Variants in TSC2 observed in about 807,000 individuals in gnomAD.
TSC2 encodes the protein tuberin.
Under a neutral mutation model 202.2 loss-of-function variants are expected in TSC2, and 29 were observed. The ratio of observed to expected loss-of-function variants is 0.14; its 90% confidence interval spans 0.11 to 0.20. The LOEUF is 0.20. TSC2 is among the 10% of genes least tolerant of loss of function. The pLI is 1.00. For missense variants in TSC2, 2,429 were observed against 2,420.0 expected, an observed-to-expected ratio of 1.00 and a Z score of -0.08; for synonymous variants, 1,349 against 1,044.0, an observed-to-expected ratio of 1.29 and a Z score of -5.63.
At chr16:2,084,913 G>A (rs1323790497) in intron 34 of TSC2, 38 bp from the exon 35 acceptor site, 2 of 1,612,002 alleles carry the variant, frequency 1.2e-6, no homozygotes, top group South Asian at 2.2e-5. Flanking sequence ...CCCTGGCCAG[G>A]CCCTCACCTG....
Position 2,072,361 on chromosome 16 carries a change from A to G in TSC2, c.2218A>G (p.Met740Val), listed in dbSNP as rs757345150. 2.5e-5 allele frequency: 40 copies of G among 1,613,880 alleles called. No individual in the cohort carries two copies. The highest frequency in any genetic ancestry group is 3.3e-5 in the Non-Finnish European group (39 of 1,179,944). The change falls in exon 20 of 42, where the codon ATG (methionine) becomes GTG (valine). Residue 740 changes from methionine to valine, a missense_variant and splice_region_variant. Coordinates refer to ENST00000219476, the MANE Select transcript of TSC2 (RefSeq NM_000548.5). ...VDQLCSALCS[M>V]LSGPKTLERL... The stretch of plus-strand genomic sequence containing the variant: ...CCAGCTGTGCTCTGCTCTCTGCTCC[A>G]TGGTACCATGGCCGGCCTGGGGTTG...
At chr16:2,061,793 G>C (rs1202043359) in intron 11 of TSC2, 78 bp from the exon 12 acceptor site, 30 of 1,610,222 alleles carry the variant, frequency 1.9e-5, no homozygotes, top group Non-Finnish European at 2.5e-5. Context: ...CCATGCGGTG[G>C]GTGTGTAGCG....
At chr16:2,056,081 C>T in intron 6 of TSC2, 115 bp from the exon 7 acceptor site, 2 of 1,393,290 alleles carry the variant, frequency 1.4e-6, no homozygotes, top group Non-Finnish European at 2.0e-6. Context: ...GGGTGGGACC[C>T]CCAGGGAGGA....
In TSC2 at chr16:2,067,848, G is replaced by C. The variant is rs911016118; in HGVS notation, c.1716+2213G>C. Among the ~76,000 whole-genome samples the C allele has an allele frequency of 1.3e-5, 2 of 152,316 alleles. 1 individual carries two copies. Among genetic ancestry groups the C allele is most frequent in the Admixed American group, 1.3e-4 (2 of 15,304 alleles). On this transcript the variant is annotated intron_variant, in intron 16 of 41. Transcript: ENST00000219476. ...TGAGCACCATGCTCTTTACTGACTGGTTGGGAAGGGGTGTGCTGGGCTGTG... is the reference window on the plus strand; with the variant it reads ...TGAGCACCATGCTCTTTACTGACTGCTTGGGAAGGGGTGTGCTGGGCTGTG...
At chr16:2,060,362 G>C (rs1248705820) in intron 10 of TSC2, among the ~76,000 whole-genome samples, 1 of 152,204 alleles carries the variant, frequency 6.6e-6, no homozygotes, top group African/African-American at 2.4e-5. Flanking sequence ...GCTTGCAGCC[G>C]AACTCAGGGC....
rs397515242 is a variant in TSC2 at position 2,084,658 on chromosome 16, C to T, written c.4436C>T (p.Ala1479Val). Residue 1479 changes from alanine to valine, a missense_variant, in exon 34 of 42, where the codon GCC (alanine) becomes GTC (valine). Coordinates refer to ENST00000219476, the MANE Select transcript of TSC2 (RefSeq NM_000548.5). ...SRRGKRVERD[A>V]LKSRATASNA... ...AGGGGCAAGAGAGTAGAGAGGGACG[C>T]CTTAAAGAGCAGAGCCACAGCCTCC... 13 of 1,599,012 alleles carry T rather than the reference C, an allele frequency of 8.1e-6. No individual in the cohort carries two copies. In the East Asian group the frequency reaches 1.3e-4, roughly 16 times the overall value.
intron 31 of TSC2, 146 bp from the exon 32 acceptor site, chr16:2,082,290 G>T: frequency 2.3e-6 from 2 of 877,176 alleles, no homozygotes; most frequent in Non-Finnish European, 3.8e-6. Context: ...CAAGCAGCTT[G>T]TAGCTAGCAC....
intron 1 of TSC2, 105 bp from the exon 2 acceptor site, chr16:2,048,482 G>A: frequency 1.4e-6 from 2 of 1,426,182 alleles, no homozygotes; most frequent in Admixed American, 3.8e-5. Flanking sequence ...GGGAGGAAAG[G>A]TTATGCCCAC....
chr16:2,082,592 A>G, intron 32 of TSC2, 88 bp downstream of exon 32: 3 of 1,441,688 alleles, frequency 2.1e-6, no homozygotes, highest in South Asian at 2.3e-5. Flanking sequence ...GCCCACCCCC[A>G]TGGTCCGTCT....
At chr16:2,085,644 T>C (rs2090679663) in intron 36 of TSC2, among the ~76,000 whole-genome samples, 1 of 151,924 alleles carries the variant, frequency 6.6e-6, no homozygotes, top group South Asian at 2.1e-4. Context: ...AGGGGGAGCC[T>C]GCATAAGGGG....
At chr16:2,086,477 C>T in intron 37 of TSC2, 98 bp downstream of exon 37, 6 of 1,491,554 alleles carry the variant, frequency 4.0e-6, no homozygotes, top group Non-Finnish European at 5.4e-6. Context: ...GGCCCTGGCA[C>T]CCCCACCTGC....
In TSC2 at chr16:2,079,067, G is replaced by T. The variant is rs368878445; in HGVS notation, c.3002G>T (p.Gly1001Val). 6.2e-7 allele frequency: 1 copy of T among 1,612,786 alleles called. No individual in the cohort carries two copies. Among genetic ancestry groups the T allele is most frequent in the African/African-American group, 1.3e-5 (1 of 74,900 alleles). Residue 1001 changes from glycine (G) to valine (V), a missense_variant, in exon 27 of 42, where the codon GGG becomes GTG. Transcript: ENST00000219476. The surrounding 1 kb of genome is among the most constrained non-coding windows in gnomAD (Gnocchi z 4.6). The stretch of plus-strand genomic sequence containing the variant: ...ACGTCCCTCACCAGTGCCAGCTTGG[G>T]GTCTGCAGATGAGAACTCCGTGGCC... ...IQTSLTSASL[G>V]SADENSVAQA...
At position 2,088,264 on chromosome 16, in the gene TSC2, C is replaced by G. The variant is rs1190875881; in HGVS notation, c.5198C>G (p.Thr1733Ser). The change falls in exon 41 of 42, where the codon ACC becomes AGC. Residue 1733 changes from threonine (T) to serine (S), a missense_variant. Coordinates refer to ENST00000219476, the MANE Select transcript of TSC2 (RefSeq NM_000548.5). The part of the protein sequence containing the change: ...SQVHHSRSNP[T>S]DIYPSKWIAR... ...GTGCATCATAGCCGCTCCAACCCCA[C>G]CGATATCTACCCCTCCAAGTGGATT... 1 of 1,613,180 alleles carries G rather than the reference C, an allele frequency of 6.2e-7. No individual in the cohort carries two copies. The highest frequency in any genetic ancestry group is 2.2e-5 in the East Asian group (1 of 44,888).
At chr16:2,048,143 G>C in intron 1 of TSC2, 78 bp downstream of exon 1, 3 of 1,526,290 alleles carry the variant, frequency 2.0e-6, no homozygotes, top group Non-Finnish European at 2.6e-6. Context: ...GCAGTGTCCG[G>C]GTCCCGGGCC....
intron 31 of TSC2, 136 bp downstream of exon 31, chr16:2,081,934 T>C: frequency 8.0e-7 from 1 of 1,245,896 alleles, no homozygotes; most frequent in Non-Finnish European, 1.1e-6. Context: ...AGCACCATTG[T>C]TCTCCGGTGT....
rs533970121 is a variant in TSC2 at position 2,051,402 on chromosome 16, G to T, written c.225+916G>T. Among the ~76,000 whole-genome samples the T allele has an allele frequency of 1.7e-4, 26 of 152,166 alleles. No homozygotes were observed. In the East Asian group the frequency reaches 4.6e-3, roughly 27 times the overall value. ...CTCTCCTGTTACAAGTTCAGGCCAA[G>T]AAAAATCAAGAAAGGGTTTGTTCCA... On this transcript the variant is annotated intron_variant, in intron 3 of 41. Transcript: ENST00000219476.
At chr16:2,081,961 C>T in intron 31 of TSC2, 163 bp downstream of exon 31, 3 of 1,032,160 alleles carry the variant, frequency 2.9e-6, no homozygotes, top group Non-Finnish European at 4.3e-6. Context: ...GGAGGCTGAC[C>T]CGTGGGAGGT....
intron 3 of TSC2, among the ~76,000 whole-genome samples, chr16:2,051,545 T>C (rs541595055): frequency 4.1e-4 from 63 of 152,304 alleles, no homozygotes; most frequent in African/African-American, 1.5e-3. Context: ...TTGCCAGACT[T>C]TCCTGATGAC....
intron 9 of TSC2, 108 bp downstream of exon 9, chr16:2,057,286 C>A: frequency 7.4e-7 from 1 of 1,346,014 alleles, no homozygotes; most frequent in Non-Finnish European, 1.0e-6. Flanking sequence ...CTTGTCCTCT[C>A]GGGCAGCTGT....
Sources: gnomAD v4.1 joint callset for allele counts (sites outside exome capture counted in the v4.1 genomes callset) on GRCh38, gnomAD v4.1.1 for gene constraint, Gnocchi (gnomAD v3.1) non-coding constraint, MANE v1.5 for transcripts, NCBI Gene and HGNC (gene_info 2026-07-23, HGNC 2026-07-21) for gene names.